CPA6: variants seen among roughly 807,000 people sequenced by gnomAD.
CPA6 encodes carboxypeptidase A6, also known as carboxypeptidase B.
Under a neutral mutation model 63.3 loss-of-function variants are expected in CPA6, and 58 were observed. That is an observed-to-expected ratio of 0.92 (90% CI 0.74 to 1.14). CPA6 has a LOEUF of 1.14. Ranked by LOEUF, CPA6 falls within the 50% of genes most tolerant of loss-of-function variation. The probability of loss-of-function intolerance (pLI) is 0.00; values close to 1 mark genes in which losing one functional copy is unlikely to be tolerated. For missense variants in CPA6, 565 were observed against 526.6 expected (o/e 1.07, Z -0.71); for synonymous variants, 185 against 179.0 (o/e 1.03, Z -0.27).
intron 2 of CPA6, chr8:67,569,680 G>T: frequency 3.5e-6 from 1 of 283,596 alleles, no homozygotes; most frequent in Non-Finnish European, 7.1e-6. Flanking sequence ...TTTTAAGCAG[G>T]TTACAGGGGT....
At chr8:67,717,968 T>G (rs1421020456) in intron 1 of CPA6, among the ~76,000 whole-genome samples, 2 of 152,168 alleles carry the variant, frequency 1.3e-5, no homozygotes, top group East Asian at 3.9e-4. Flanking sequence ...GGTATACTGT[T>G]AGTGGAAGCA....
chr8:67,485,600 A>G (rs1050723594), intron 6 of CPA6, among the ~76,000 whole-genome samples: 2 of 152,180 alleles, frequency 1.3e-5, no homozygotes, highest in African/African-American at 4.8e-5. Context: ...TAAATACACA[A>G]GTTATTTTGT....
At chr8:67,733,183 C>G (rs959455062) in intron 1 of CPA6, among the ~76,000 whole-genome samples, 3 of 101,214 alleles carry the variant, frequency 3.0e-5, no homozygotes, top group Non-Finnish European at 5.2e-5. Flanking sequence ...GGCTACAGAG[C>G]GAGACTCCAT....
intron 1 of CPA6, among the ~76,000 whole-genome samples, chr8:67,737,919 G>A (rs1385723849): frequency 5.3e-5 from 8 of 152,054 alleles, no homozygotes; most frequent in Admixed American, 4.6e-4. Flanking sequence ...TTACCTTTAT[G>A]GAGTTCTGCT....
chr8:67,597,404 C>T (rs1184835764), intron 2 of CPA6, among the ~76,000 whole-genome samples: 1 of 152,112 alleles, frequency 6.6e-6, no homozygotes, highest in Non-Finnish European at 1.5e-5. Flanking sequence ...CCATGTTGAC[C>T]AGGAGAGTCT....
At chr8:67,539,077 A>G (rs1391288076) in intron 2 of CPA6, among the ~76,000 whole-genome samples, 2 of 152,174 alleles carry the variant, frequency 1.3e-5, no homozygotes, top group Non-Finnish European at 2.9e-5. Context: ...TAGTTGATGC[A>G]GTTTCTTCAT....
intron 8 of CPA6, among the ~76,000 whole-genome samples, chr8:67,453,355 T>C (rs6472302): frequency 0.086 from 13,024 of 152,070 alleles, 1,384 homozygotes; most frequent in African/African-American, 0.25. Context: ...AAGGCCTGAG[T>C]AACTGGAAGG....
rs71253021 is a variant in CPA6, at chr8:67,673,353, TTTA to T, written c.117-49105_117-49103del. Among the ~76,000 whole-genome samples, 607 of 140,090 alleles carry T rather than the reference TTTA, an allele frequency of 4.3e-3. 8 individuals are homozygous for T. In the East Asian group the frequency reaches 0.059, roughly 14 times the overall value. The allele number at this position is 140,090 out of a possible 152,430, so 91.9% of individuals were successfully genotyped here. A position where few individuals can be genotyped will look rare whatever the true frequency, so the allele number is the denominator to read the frequency against. ...ATTTTTATTTTATAATCTCTTTCAA[TTTA>T]TTATTATTATTATTATTATTATTAT... On this transcript the variant is annotated intron_variant, in intron 1 of 10. Transcript: ENST00000297770.
intron 8 of CPA6, among the ~76,000 whole-genome samples, chr8:67,461,190 T>C (rs1563961770): frequency 6.9e-6 from 1 of 144,246 alleles, no homozygotes; most frequent in Non-Finnish European, 1.5e-5. Context: ...CTGGTTTTCC[T>C]AGGCAGAGGA....
At chr8:67,540,062 T>C (rs1812671676) in intron 2 of CPA6, among the ~76,000 whole-genome samples, 1 of 152,206 alleles carries the variant, frequency 6.6e-6, no homozygotes, top group African/African-American at 2.4e-5. Flanking sequence ...GTTGTGATTC[T>C]TTGGAGGAGA....
intron 8 of CPA6, among the ~76,000 whole-genome samples, chr8:67,477,092 C>T (rs1449324396): frequency 6.6e-6 from 1 of 151,810 alleles, no homozygotes; most frequent in East Asian, 1.9e-4. Flanking sequence ...AGATAGAGAC[C>T]ATCCTGGCTA....
Position 67,746,117 on chromosome 8 carries a change from C to A in CPA6, c.13G>T (p.Gly5Trp), listed in dbSNP as rs765895994. 2 of 1,613,018 alleles carry A rather than the reference C, an allele frequency of 1.2e-6. No homozygotes were observed. Among genetic ancestry groups the A allele is most frequent in the East Asian group, 2.2e-5 (1 of 44,856 alleles). Reference protein sequence around the residue: MKCLGKRRGQAAAFL... With the variant: MKCLWKRRGQAAAFL... ...GCAGCTGCCTGGCCCCTGCGCTTCC[C>A]GAGACACTTCATAGTGTTAAGAAGA... The change falls in exon 1 of 11, where the codon GGG becomes TGG. Residue 5 changes from glycine (G) to tryptophan (W), a missense_variant. Gly to Trp is a radical substitution (Grantham distance 184). Transcript: ENST00000297770.
intron 1 of CPA6, among the ~76,000 whole-genome samples, chr8:67,688,794 T>A (rs140691058): frequency 6.6e-6 from 1 of 152,232 alleles, no homozygotes; most frequent in East Asian, 1.9e-4. Context: ...CATTCCCTTA[T>A]CCCTAGAAGC....
chr8:67,682,992 C>T (rs1218213970), intron 1 of CPA6, among the ~76,000 whole-genome samples: 2 of 152,216 alleles, frequency 1.3e-5, no homozygotes, highest in Non-Finnish European at 2.9e-5. Context: ...TATTCTTTGT[C>T]TTCTTGTACT....
chr8:67,476,749 G>T (rs1364426827), intron 8 of CPA6, among the ~76,000 whole-genome samples: 1 of 152,088 alleles, frequency 6.6e-6, no homozygotes, highest in Non-Finnish European at 1.5e-5. Context: ...AGTCAGATTT[G>T]ACTTTTCATT....
intron 2 of CPA6, among the ~76,000 whole-genome samples, chr8:67,545,443 C>T (rs1812793484): frequency 1.3e-5 from 2 of 152,128 alleles, no homozygotes; most frequent in Non-Finnish European, 2.9e-5. Context: ...CACCTTCAGC[C>T]CCATTGCCTG....
chr8:67,530,972 A>G (rs1812466055), intron 2 of CPA6, among the ~76,000 whole-genome samples: 1 of 152,226 alleles, frequency 6.6e-6, no homozygotes, highest in South Asian at 2.1e-4. Context: ...TACAAAACAC[A>G]TGAGCATTCA....
intron 2 of CPA6, among the ~76,000 whole-genome samples, chr8:67,531,779 C>T (rs1488924563): frequency 1.3e-5 from 2 of 152,070 alleles, no homozygotes; most frequent in East Asian, 1.9e-4. Flanking sequence ...CCCAAGCATA[C>T]ATAGAATGCT....
chr8:67,447,826 C>G (rs1417919782), intron 8 of CPA6, among the ~76,000 whole-genome samples: 1 of 152,100 alleles, frequency 6.6e-6, no homozygotes, highest in South Asian at 2.1e-4. Context: ...GCTCTGTCAC[C>G]CAGGCTGGAG....
Sources: gnomAD v4.1 joint callset for allele counts (sites outside exome capture counted in the v4.1 genomes callset) on GRCh38, gnomAD v4.1.1 for gene constraint, MANE v1.5 for transcripts, NCBI Gene and HGNC (gene_info 2026-07-23, HGNC 2026-07-21) for gene names.